The following MYT1L variants were observed in gnomAD, a reference collection of about 807,000 sequenced individuals.
The protein encoded by MYT1L is myelin transcription factor 1-like protein.
A neutral mutation model predicts 126.7 loss-of-function variants in MYT1L; 12 were observed. That is an observed-to-expected ratio of 0.09 (90% CI 0.06 to 0.15). The LOEUF (loss-of-function observed/expected upper bound fraction) is 0.15. Among genes scored for constraint, MYT1L ranks in the 10% least tolerant of loss-of-function variants. MYT1L has a pLI of 1.00. For synonymous variants in MYT1L, 541 were observed against 604.2 expected, an observed-to-expected ratio of 0.90 and a Z score of 1.53; for missense variants, 979 against 1,585.2, an observed-to-expected ratio of 0.62 and a Z score of 6.49.
chr2:2,055,775 A>G (rs555692550), intron 3 of MYT1L, among the ~76,000 whole-genome samples: 25 of 152,364 alleles, frequency 1.6e-4, no homozygotes, highest in South Asian at 2.1e-4. Flanking sequence ...TTGCTTTCAT[A>G]AAATATTATT....
intron 8 of MYT1L, among the ~76,000 whole-genome samples, chr2:1,955,762 C>T (rs2058287670): frequency 6.6e-6 from 1 of 152,170 alleles, no homozygotes; most frequent in Non-Finnish European, 1.5e-5. Flanking sequence ...ATAACTGAAC[C>T]CATCTGTCCT....
At chr2:2,025,797 A>C (rs1174943146) in intron 4 of MYT1L, among the ~76,000 whole-genome samples, 1 of 152,118 alleles carries the variant, frequency 6.6e-6, no homozygotes, top group African/African-American at 2.4e-5. Context: ...TGTCACCCCC[A>C]GCTCCCAAAC....
chr2:2,075,388 T>G (rs2075101170), intron 3 of MYT1L, among the ~76,000 whole-genome samples: 1 of 152,170 alleles, frequency 6.6e-6, no homozygotes, highest in Non-Finnish European at 1.5e-5. Context: ...GTGCATGTCT[T>G]CCAGCAAATT....
At chr2:1,840,904 CTTT>C (rs1224216473) in intron 19 of MYT1L, 61 bp from the exon 20 acceptor site, 2,324 of 744,528 alleles carry the variant, frequency 3.1e-3, no homozygotes, top group Middle Eastern at 6.7e-3. Context: ...AGCTTTCTTT[CTTT>C]TTTTTTTTTT....
Position 1,979,850 on chromosome 2 carries a change from C to T in MYT1L, c.1-73G>A, listed in dbSNP as rs1338128532. 5.4e-6 allele frequency: 8 copies of T among 1,470,012 alleles called. No individual in the cohort carries two copies. The Admixed American group carries it at 6.8e-5, about 13-fold the overall frequency. The allele number at this position is 1,470,012 out of a possible 1,614,324, so 91.1% of individuals were successfully genotyped here. ...GCCAGCCCTGCAGGGGCGGCTCACT[C>T]TCCCTGGCATTCTATTAATGGGGCT... On this transcript the variant is annotated intron_variant, in intron 5 of 24. Transcript: ENST00000647738. This position sits in a 1 kb window ranked among gnomAD's most constrained non-coding sequence, Gnocchi z 4.0.
intron 12 of MYT1L, among the ~76,000 whole-genome samples, chr2:1,911,655 T>TA (rs2149028691): frequency 6.6e-6 from 1 of 152,282 alleles, no homozygotes; most frequent in Non-Finnish European, 1.5e-5. Context: ...CAAGCCAAGC[T>TA]ACACACTGTA....
chr2:2,028,719 T>C (rs1386320283), intron 4 of MYT1L, among the ~76,000 whole-genome samples: 3 of 152,206 alleles, frequency 2.0e-5, no homozygotes, highest in Non-Finnish European at 4.4e-5. Context: ...TAAAACCATC[T>C]TTCATTGATT....
At chr2:1,827,200 C>G (rs1020006933) in intron 21 of MYT1L, 1 of 152,342 alleles carries the variant, frequency 6.6e-6, no homozygotes, top group African/African-American at 2.4e-5. Context: ...GGGCATGGGG[C>G]TTCGTAGGAG....
intron 4 of MYT1L, among the ~76,000 whole-genome samples, chr2:2,030,411 G>C (rs946382788): frequency 1.3e-5 from 2 of 152,134 alleles, no homozygotes; most frequent in Non-Finnish European, 1.5e-5. Flanking sequence ...TTTAAATTTA[G>C]ATTCCTGTTT....
chr2:1,960,164 A>G (rs1159414467), intron 8 of MYT1L, among the ~76,000 whole-genome samples: 1 of 152,212 alleles, frequency 6.6e-6, no homozygotes, highest in Non-Finnish European at 1.5e-5. Context: ...GAAACTGTAC[A>G]GCAGTGGAAA....
chr2:2,085,580 T>A lies in MYT1L; in HGVS notation c.-303-31457A>T, dbSNP rs575347483. Among the ~76,000 whole-genome samples the A allele has an allele frequency of 4.3e-4, 66 of 152,312 alleles. 1 individual carries two copies. The highest frequency in any genetic ancestry group is 7.5e-4 in the Non-Finnish European group (51 of 68,032). On this transcript the variant is annotated intron_variant, in intron 3 of 24. Coordinates refer to ENST00000647738, the MANE Select transcript of MYT1L (RefSeq NM_001303052.2). ...CTCTGCCATTTGTCACGGTTGTTTA[T>A]GTTCCTGTTCTTCAGCCCTATACAT... is the stretch of plus-strand genomic sequence containing the variant.
At chr2:2,158,703 T>TACACAC (rs34075925) in intron 3 of MYT1L, among the ~76,000 whole-genome samples, 54 of 144,368 alleles carry the variant, frequency 3.7e-4, no homozygotes, top group Admixed American at 1.2e-3. Context: ...AACATTCAAG[T>TACACAC]ACACACACAC....
intron 2 of MYT1L, among the ~76,000 whole-genome samples, chr2:2,182,132 C>T (rs2091604184): frequency 2.0e-5 from 3 of 151,240 alleles, no homozygotes; most frequent in Admixed American, 2.0e-4. Context: ...ACTCTGACCG[C>T]ACTGTGTCTT....
intron 2 of MYT1L, among the ~76,000 whole-genome samples, chr2:2,219,666 C>T (rs995376447): frequency 3.3e-5 from 5 of 152,196 alleles, no homozygotes; most frequent in African/African-American, 1.2e-4. Context: ...TTCCCTTGTT[C>T]TCCTCTGCCT....
At chr2:1,884,891 T>C (rs531559821) in intron 18 of MYT1L, among the ~76,000 whole-genome samples, 4 of 152,272 alleles carry the variant, frequency 2.6e-5, no homozygotes, top group African/African-American at 9.6e-5. Flanking sequence ...CGTCACACCA[T>C]CTTGCAAGAT....
chr2:2,242,695 GAGGAAAGCCCATTTCA>G (rs2094461614), intron 2 of MYT1L, among the ~76,000 whole-genome samples: 1 of 152,162 alleles, frequency 6.6e-6, no homozygotes, highest in Non-Finnish European at 1.5e-5. Flanking sequence ...TGTCACCCAG[GAGGAAAGCCCATTTCA>G]AGGAGCATTA....
At chr2:2,312,185 G>T (rs916953304) in intron 1 of MYT1L, among the ~76,000 whole-genome samples, 2 of 152,146 alleles carry the variant, frequency 1.3e-5, no homozygotes, top group African/African-American at 4.8e-5. Flanking sequence ...ATTCTGTTCC[G>T]CTTATGTTTG....
chr2:2,290,129 G>T (rs2095577962), intron 1 of MYT1L, among the ~76,000 whole-genome samples: 1 of 152,194 alleles, frequency 6.6e-6, no homozygotes, highest in Non-Finnish European at 1.5e-5. Context: ...CAGGACATGG[G>T]CAGAGAAGCA....
intron 3 of MYT1L, among the ~76,000 whole-genome samples, chr2:2,123,304 A>C (rs564246645): frequency 3.9e-5 from 6 of 152,188 alleles, no homozygotes; most frequent in Non-Finnish European, 7.3e-5. Context: ...GAATCCCTAG[A>C]ACCTGGGGAT....
Sources: allele counts gnomAD v4.1 joint callset (sites outside exome capture counted in the v4.1 genomes callset), GRCh38; gene constraint gnomAD v4.1.1; non-coding constraint Gnocchi (gnomAD v3.1); transcripts MANE v1.5; gene names NCBI Gene and HGNC (gene_info 2026-07-23, HGNC 2026-07-21).